GNA12: variants seen among roughly 807,000 people sequenced by gnomAD.
The protein encoded by GNA12 is guanine nucleotide-binding protein subunit alpha-12.
A neutral mutation model predicts 26.0 loss-of-function variants in GNA12; 9 were observed. The observed-to-expected ratio is 0.35, with a 90% CI of 0.21 to 0.60. The LOEUF is 0.60. Among genes scored for constraint, GNA12 ranks in the 20% least tolerant of loss-of-function variants. The pLI, the probability that GNA12 is intolerant of heterozygous loss-of-function variation, is 0.78. For missense variants in GNA12, 405 were observed against 525.8 expected (o/e 0.77, Z 2.25); for synonymous variants, 264 against 219.6 (o/e 1.20, Z -1.79).
At chr7:2,841,214 C>A (rs375950315) in intron 1 of GNA12, among the ~76,000 whole-genome samples, 5 of 152,014 alleles carry the variant, frequency 3.3e-5, no homozygotes, top group Admixed American at 6.6e-5. Context: ...TGCAGTGGTG[C>A]GATCTCGGCT....
intron 2 of GNA12, among the ~76,000 whole-genome samples, chr7:2,777,170 C>G (rs1299281417): frequency 1.3e-5 from 2 of 152,166 alleles, no homozygotes; most frequent in Admixed American, 6.5e-5. Flanking sequence ...GCAATCCAGA[C>G]CAGCACAGTG....
chr7:2,824,927 G>C (rs1793449499), intron 1 of GNA12, among the ~76,000 whole-genome samples: 2 of 152,246 alleles, frequency 1.3e-5, no homozygotes, highest in South Asian at 4.1e-4. Flanking sequence ...GGAAGTCCAA[G>C]AACCACTTTC....
At chr7:2,775,760 C>A (rs1349074872) in intron 2 of GNA12, among the ~76,000 whole-genome samples, 1 of 152,202 alleles carries the variant, frequency 6.6e-6, no homozygotes, top group Non-Finnish European at 1.5e-5. Flanking sequence ...ACCTCAGAGG[C>A]TCATCAGTGG....
chr7:2,775,478 T>A (rs1583271181), intron 2 of GNA12: 2 of 152,070 alleles, frequency 1.3e-5, no homozygotes, highest in Non-Finnish European at 2.9e-5. Context: ...CCCTTCTATC[T>A]CAGCCACAGC....
rs556728401 is a variant in GNA12, at chr7:2,806,466, A to AG, written c.310-11324_310-11323insC. ...GAGCGAGACTCTGTCTCAAAAAAAA[A>AG]AAAAAAAAAAAAGAAAAAGAAAAAA... On this transcript the variant is annotated intron_variant, in intron 1 of 3. Transcript: ENST00000275364. Among the ~76,000 whole-genome samples the AG allele has an allele frequency of 2.1e-4, 31 of 151,156 alleles. 1 individual carries two copies. The highest frequency in any genetic ancestry group is 3.4e-3 in the Middle Eastern group (1 of 294).
chr7:2,798,426 TACTA>T (rs1045072621), intron 1 of GNA12, among the ~76,000 whole-genome samples: 25 of 152,190 alleles, frequency 1.6e-4, no homozygotes, highest in South Asian at 6.2e-4. Flanking sequence ...GATGTACTAC[TACTA>T]ACTATCACTA....
chr7:2,833,410 C>A (rs1404623435), intron 1 of GNA12, among the ~76,000 whole-genome samples: 2 of 152,208 alleles, frequency 1.3e-5, no homozygotes, highest in Non-Finnish European at 2.9e-5. Flanking sequence ...TACGAGCTGT[C>A]AACGGAACAC....
At chr7:2,836,909 A>G (rs1778854799) in intron 1 of GNA12, among the ~76,000 whole-genome samples, 1 of 152,172 alleles carries the variant, frequency 6.6e-6, no homozygotes, top group African/African-American at 2.4e-5. Flanking sequence ...GGGCAACAAG[A>G]GCGAAACTCC....
intron 2 of GNA12, among the ~76,000 whole-genome samples, chr7:2,769,560 C>G (rs1169363984): frequency 6.6e-6 from 1 of 151,914 alleles, no homozygotes; most frequent in Admixed American, 6.6e-5. Context: ...GAAACCCCGT[C>G]TCTATTAAAA....
At chr7:2,797,119 C>T (rs1792695529) in intron 1 of GNA12, among the ~76,000 whole-genome samples, 1 of 152,168 alleles carries the variant, frequency 6.6e-6, no homozygotes, top group African/African-American at 2.4e-5. Context: ...ACAGAGAAAA[C>T]CAGGGTCACC....
chr7:2,760,663 C>G (rs1383545424), intron 2 of GNA12, among the ~76,000 whole-genome samples: 1 of 152,226 alleles, frequency 6.6e-6, no homozygotes, highest in Non-Finnish European at 1.5e-5. Flanking sequence ...CCCTTTAAAC[C>G]TTCCCAACCT....
chr7:2,770,160 A>T (rs546550981), intron 2 of GNA12, among the ~76,000 whole-genome samples: 39 of 152,212 alleles, frequency 2.6e-4, no homozygotes, highest in Non-Finnish European at 5.0e-4. Flanking sequence ...CCTACAATGT[A>T]TGACTTTACT....
rs1789726150 is a variant in GNA12 at position 2,728,558 on chromosome 7, C to T, written c.*2623G>A. ...CACAGTATAGCTATGAGGAACAGAT[C>T]TTATTTTGAGGAACTTTATTGTTAC... On this transcript the variant is annotated 3_prime_UTR_variant, in exon 4 of 4. Coordinates refer to ENST00000275364, the MANE Select transcript of GNA12 (RefSeq NM_007353.3). 1 of 152,466 alleles carries T rather than the reference C, an allele frequency of 6.6e-6. No homozygotes were observed. Among genetic ancestry groups the T allele is most frequent in the Non-Finnish European group, 1.5e-5 (1 of 68,034 alleles). The allele number at this position is 152,466 out of a possible 1,614,324, so 9.4% of individuals were successfully genotyped here.
chr7:2,838,395 A>G (rs936292495), intron 1 of GNA12, among the ~76,000 whole-genome samples: 3 of 152,154 alleles, frequency 2.0e-5, no homozygotes, highest in African/African-American at 7.2e-5. Flanking sequence ...TAAGTAACAT[A>G]GTGGAACCCT....
chr7:2,733,342 G>T, intron 3 of GNA12, 109 bp downstream of exon 3: 1 of 839,244 alleles, frequency 1.2e-6, no homozygotes, highest in Non-Finnish European at 2.0e-6. Flanking sequence ...GACAGAACAA[G>T]CTCGGCCTGT....
At position 2,728,199 on chromosome 7, in the gene GNA12, T is replaced by C. The variant is rs1227888373; in HGVS notation, c.*2982A>G. On this transcript the variant is annotated 3_prime_UTR_variant, in exon 4 of 4. Coordinates refer to ENST00000275364, the MANE Select transcript of GNA12 (RefSeq NM_007353.3). ...TCAAGCCAGACCCTCCCAATGTTAA[T>C]ACACTGTGCAAAGCTTACACCATGA... 3 of 152,342 alleles carry C rather than the reference T, an allele frequency of 2.0e-5. No homozygotes were observed. The highest frequency in any genetic ancestry group is 4.8e-5 in the African/African-American group (2 of 41,446). The allele number at this position is 152,342 out of a possible 1,614,324, so 9.4% of individuals were successfully genotyped here.
At chr7:2,783,052 G>C (rs534765165) in intron 2 of GNA12, among the ~76,000 whole-genome samples, 1 of 152,158 alleles carries the variant, frequency 6.6e-6, no homozygotes, top group Non-Finnish European at 1.5e-5. Flanking sequence ...GCTGTTTAAA[G>C]ACCGGTGTCG....
chr7:2,834,063 C>A (rs1312213890), intron 1 of GNA12, among the ~76,000 whole-genome samples: 1 of 152,226 alleles, frequency 6.6e-6, no homozygotes, highest in South Asian at 2.1e-4. Context: ...CCCTGAAACC[C>A]TACACAGATA....
At chr7:2,812,383 A>G (rs558616474) in intron 1 of GNA12, among the ~76,000 whole-genome samples, 1 of 152,272 alleles carries the variant, frequency 6.6e-6, no homozygotes, top group Admixed American at 6.5e-5. Context: ...TAATCCCAGC[A>G]CCTTTGGAGG....
Sources: gnomAD v4.1 joint callset for allele counts (sites outside exome capture counted in the v4.1 genomes callset) on GRCh38, gnomAD v4.1.1 for gene constraint, MANE v1.5 for transcripts, NCBI Gene and HGNC (gene_info 2026-07-23, HGNC 2026-07-21) for gene names.